The following MYT1L variants were observed in gnomAD, a reference collection of about 807,000 sequenced individuals.
MYT1L encodes the protein myelin transcription factor 1-like protein.
In MYT1L, 12 loss-of-function variants were observed where a neutral mutation model predicts 126.7. That is an observed-to-expected ratio of 0.09 (90% CI 0.06 to 0.15). MYT1L has a LOEUF of 0.15. Ranked by LOEUF, MYT1L falls within the 10% of genes least tolerant of loss-of-function variation. MYT1L has a pLI of 1.00. For missense variants in MYT1L, 979 were observed against 1,585.2 expected (o/e 0.62, Z 6.49); for synonymous variants, 541 against 604.2 (o/e 0.90, Z 1.53).
At chr2:2,220,331 G>A (rs994298881) in intron 2 of MYT1L, among the ~76,000 whole-genome samples, 5 of 152,116 alleles carry the variant, frequency 3.3e-5, no homozygotes, top group East Asian at 1.9e-4. Context: ...GGTTTGGTGG[G>A]GGTCCTTCCA....
intron 3 of MYT1L, among the ~76,000 whole-genome samples, chr2:2,144,520 C>T (rs2084565525): frequency 6.6e-6 from 1 of 152,206 alleles, no homozygotes; most frequent in Non-Finnish European, 1.5e-5. Flanking sequence ...ATCTCTAATA[C>T]TATGGTTTTT....
intron 2 of MYT1L, among the ~76,000 whole-genome samples, chr2:2,242,445 G>A (rs892382274): frequency 6.6e-6 from 1 of 152,182 alleles, no homozygotes; most frequent in African/African-American, 2.4e-5. Flanking sequence ...AGAAGAAAAT[G>A]TCCTGCCCTG....
chr2:1,936,388 A>G (rs2055889590), intron 9 of MYT1L, among the ~76,000 whole-genome samples: 2 of 152,228 alleles, frequency 1.3e-5, no homozygotes, highest in South Asian at 4.1e-4. Flanking sequence ...ATTGACACCT[A>G]AAAATGTCTA....
chr2:2,151,906 A>T (rs757144646), intron 3 of MYT1L, among the ~76,000 whole-genome samples: 122 of 152,244 alleles, frequency 8.0e-4, no homozygotes, highest in Non-Finnish European at 1.6e-3. Context: ...AACGCAAAAA[A>T]TTAGCCAGGT....
chr2:2,147,560 C>T (rs539987857), intron 3 of MYT1L, among the ~76,000 whole-genome samples: 1 of 152,356 alleles, frequency 6.6e-6, no homozygotes, highest in South Asian at 2.1e-4. Context: ...TGTTCAGGCA[C>T]AAGGCAGAAG....
intron 5 of MYT1L, among the ~76,000 whole-genome samples, chr2:1,990,448 C>T (rs11676784): frequency 0.01 from 1,558 of 152,306 alleles, 21 homozygotes; most frequent in African/African-American, 0.035. Flanking sequence ...ACTCAAGCAC[C>T]AAGCTGTAAC....
chr2:2,307,650 A>G (rs1018730036), intron 1 of MYT1L, among the ~76,000 whole-genome samples: 2 of 152,066 alleles, frequency 1.3e-5, no homozygotes, highest in Admixed American at 6.6e-5. Context: ...CCTACACTTC[A>G]GTACACTCTA....
intron 3 of MYT1L, among the ~76,000 whole-genome samples, chr2:2,078,338 T>G (rs866468031): frequency 7.9e-5 from 12 of 152,086 alleles, no homozygotes; most frequent in African/African-American, 2.2e-4. Flanking sequence ...AATTACCATA[T>G]CAATAATTAC....
At chr2:2,201,031 C>T (rs1201503707) in intron 2 of MYT1L, among the ~76,000 whole-genome samples, 1 of 152,166 alleles carries the variant, frequency 6.6e-6, no homozygotes, top group Non-Finnish European at 1.5e-5. Flanking sequence ...TGCACAAGTG[C>T]CCTAACTCAC....
At chr2:1,833,376 TG>T (rs113079682) in intron 21 of MYT1L, among the ~76,000 whole-genome samples, 6,605 of 152,200 alleles carry the variant, frequency 0.043, 469 homozygotes, top group African/African-American at 0.15. Flanking sequence ...GGGGTCTGCA[TG>T]GGCCTCATGG....
At chr2:2,181,590 G>A (rs2091534653) in intron 2 of MYT1L, among the ~76,000 whole-genome samples, 1 of 152,152 alleles carries the variant, frequency 6.6e-6, no homozygotes, top group Non-Finnish European at 1.5e-5. Context: ...AATCCTAATG[G>A]TAGGGGCATG....
intron 2 of MYT1L, among the ~76,000 whole-genome samples, chr2:2,237,904 C>G (rs989049374): frequency 6.6e-6 from 1 of 152,152 alleles, no homozygotes; most frequent in East Asian, 1.9e-4. Flanking sequence ...ACTCCCCTCG[C>G]CACACCTTGG....
At chr2:2,253,803 G>A (rs1242774018) in intron 2 of MYT1L, among the ~76,000 whole-genome samples, 1 of 151,746 alleles carries the variant, frequency 6.6e-6, no homozygotes, top group Non-Finnish European at 1.5e-5. Flanking sequence ...TCGGAAACAG[G>A]AAGCGGGGCA....
At chr2:2,310,606 CAA>C (rs1396463250) in intron 1 of MYT1L, among the ~76,000 whole-genome samples, 3 of 152,168 alleles carry the variant, frequency 2.0e-5, no homozygotes, top group Admixed American at 1.3e-4. Context: ...ACGTTTTCTT[CAA>C]AGATTATTTT....
At chr2:2,023,563 G>A (rs2065238767) in intron 4 of MYT1L, among the ~76,000 whole-genome samples, 1 of 151,942 alleles carries the variant, frequency 6.6e-6, no homozygotes. Flanking sequence ...GCTCCTGAAG[G>A]ACCCCACAGA....
At chr2:1,861,451 T>C (rs2044582465) in intron 18 of MYT1L, among the ~76,000 whole-genome samples, 1 of 152,166 alleles carries the variant, frequency 6.6e-6, no homozygotes, top group Non-Finnish European at 1.5e-5. Flanking sequence ...CCTCATCCTT[T>C]ACATTCGTGT....
chr2:2,149,351 G>A (rs1347939014), intron 3 of MYT1L, among the ~76,000 whole-genome samples: 1 of 152,212 alleles, frequency 6.6e-6, no homozygotes, highest in African/African-American at 2.4e-5. Context: ...CCCAAGGCCA[G>A]CTAACATGCA....
chr2:1,927,822 A>G (rs2054434662), intron 9 of MYT1L, among the ~76,000 whole-genome samples: 1 of 152,246 alleles, frequency 6.6e-6, no homozygotes, highest in Non-Finnish European at 1.5e-5. Context: ...TAAATAAATC[A>G]ATATCAAAAT....
At chr2:2,008,164 A>G (rs535800519) in intron 4 of MYT1L, among the ~76,000 whole-genome samples, 124 of 152,212 alleles carry the variant, frequency 8.1e-4, no homozygotes, top group African/African-American at 2.7e-3. Flanking sequence ...CCTTTCCCAC[A>G]CCCTGTGATT....
Sources: gnomAD v4.1 joint callset for allele counts (sites outside exome capture counted in the v4.1 genomes callset) on GRCh38, gnomAD v4.1.1 for gene constraint, MANE v1.5 for transcripts, NCBI Gene and HGNC (gene_info 2026-07-23, HGNC 2026-07-21) for gene names.